UTY: variants seen among roughly 807,000 people sequenced by gnomAD.
UTY encodes ubiquitously transcribed tetratricopeptide repeat containing, Y-linked.
In UTY, 12 loss-of-function variants were observed where a neutral mutation model predicts 32.5. The ratio of observed to expected loss-of-function variants is 0.37; its 90% CI spans 0.24 to 0.60. The LOEUF (loss-of-function observed/expected upper bound fraction) is 0.60. Ranked by LOEUF, UTY falls within the 20% of genes least tolerant of loss-of-function variation. The pLI is 0.69. For synonymous variants in UTY, 131 were observed against 103.4 expected, an observed-to-expected ratio of 1.27 and a Z score of -1.62; for missense variants, 303 against 299.2, an observed-to-expected ratio of 1.01 and a Z score of -0.09.
intron 4 of UTY, among the ~76,000 whole-genome samples, chrY:13,422,653 C>T (rs2072732838): frequency 3.0e-5 from 1 of 33,470 alleles, no homozygotes; most frequent in South Asian, 6.5e-4. Context: ...CTGATATAAA[C>T]TCCGTAATGG....
At chrY:13,420,816 C>T in intron 4 of UTY, among the ~76,000 whole-genome samples, 5 of 33,095 alleles carry the variant, frequency 1.5e-4, no homozygotes, top group Admixed American at 1.4e-3. Flanking sequence ...CCATCCCGGA[C>T]ATAGGAATGG....
At position 13,323,886 on chromosome Y, in the gene UTY, A is replaced by G; in HGVS notation, c.3071-126T>C. 3.1e-5 allele frequency: 5 copies of G among 162,160 alleles called. No homozygotes were observed. In the Admixed American group the frequency reaches 4.7e-4, roughly 15 times the overall value. 40.4% of individuals were successfully genotyped at this position (162,160 alleles called of 400,897 possible). On this transcript the variant is annotated intron_variant, in intron 20 of 29. Coordinates refer to ENST00000545955, the MANE Select transcript of UTY (RefSeq NM_001258249.2). ...TCCAACCATTTGGTATCAGAGTTAC[A>G]CAGCAGGTCCTTGAAGCTCTGGCTA...
chrY:13,441,223 A>G (rs2075146860), intron 4 of UTY, among the ~76,000 whole-genome samples: 1 of 32,791 alleles, frequency 3.0e-5, no homozygotes, highest in South Asian at 6.7e-4. Flanking sequence ...AAAAAGACTC[A>G]AGCTCACAAA....
At chrY:13,376,755 C>CT (rs2065433590) in intron 8 of UTY, among the ~76,000 whole-genome samples, 1 of 33,153 alleles carries the variant, frequency 3.0e-5, no homozygotes, top group Admixed American at 2.7e-4. Flanking sequence ...TAGTGGATCC[C>CT]TTTTAATAAA....
intron 27 of UTY, among the ~76,000 whole-genome samples, chrY:13,279,267 G>C: frequency 6.0e-5 from 2 of 33,305 alleles, no homozygotes; most frequent in African/African-American, 2.4e-4. Context: ...TTTTTCTTTA[G>C]AGATGGAGTT....
At chrY:13,269,552 A>AAAAACAAAACAAAAC (rs768833349) in intron 27 of UTY, among the ~76,000 whole-genome samples, 6 of 24,395 alleles carry the variant, frequency 2.5e-4, no homozygotes, top group African/African-American at 7.8e-4. Flanking sequence ...TGTGGGCATG[A>AAAAACAAAACAAAAC]AAAACAAAAC....
intron 2 of UTY, among the ~76,000 whole-genome samples, chrY:13,477,580 T>C (rs2079184425): frequency 3.0e-5 from 1 of 33,321 alleles, no homozygotes; most frequent in African/African-American, 1.2e-4. Flanking sequence ...ATATTTAAAA[T>C]GTTACTGTAA....
intron 21 of UTY, among the ~76,000 whole-genome samples, chrY:13,309,130 C>T (rs968236784): frequency 6.0e-5 from 2 of 33,145 alleles, no homozygotes; most frequent in East Asian, 1.6e-3. Context: ...CTATGAGGTA[C>T]GCTAAAAACC....
chrY:13,356,317 G>A (rs2062912026), intron 15 of UTY, among the ~76,000 whole-genome samples: 2 of 31,418 alleles, frequency 6.4e-5, no homozygotes, highest in Admixed American at 5.6e-4. Context: ...CACCATGCCC[G>A]GCTAATTTTT....
chrY:13,310,702 T>A (rs944729520), intron 21 of UTY, among the ~76,000 whole-genome samples: 5 of 33,687 alleles, frequency 1.5e-4, no homozygotes, highest in African/African-American at 2.3e-4. Flanking sequence ...TTTGGAAAAC[T>A]AAATACTGTT....
chrY:13,341,386 G>C (rs777562726), intron 17 of UTY, among the ~76,000 whole-genome samples: 11 of 32,467 alleles, frequency 3.4e-4, no homozygotes, highest in African/African-American at 1.3e-3. Context: ...GGACATGGCT[G>C]TGGTGGAGGA....
At position 13,323,621 on chromosome Y, in the gene UTY, A is replaced by G. The variant is rs1488385173; in HGVS notation, c.3210T>C (p.Asn1070=). 2.5e-6 allele frequency: 1 copy of G among 398,097 alleles called. No homozygotes were observed. Among genetic ancestry groups the G allele is most frequent in the Admixed American group, 7.4e-5 (1 of 13,467 alleles). ...ATTTGGCAATTGTAGTATGAGATCT[A>G]TTGCTTTCACAACGCCAGATTTTCT... ...GTKKIWRCES[N]RSHTTIAKYA... Residue 1070 remains asparagine (N), a synonymous_variant, in exon 21 of 30, where the codon AAT becomes AAC. Coordinates refer to ENST00000545955, the MANE Select transcript of UTY (RefSeq NM_001258249.2).
chrY:13,357,637 T>C (rs2063083089), intron 15 of UTY, among the ~76,000 whole-genome samples: 1 of 33,097 alleles, frequency 3.0e-5, no homozygotes, highest in Non-Finnish European at 7.4e-5. Flanking sequence ...TGCCTGTGCA[T>C]GAAAAACTAA....
chrY:13,290,885 A>AT (rs2057724883), intron 27 of UTY, among the ~76,000 whole-genome samples: 16 of 26,604 alleles, frequency 6.0e-4, no homozygotes, highest in African/African-American at 1.3e-3. Context: ...AACTTACATA[A>AT]TTTTTTTTTT....
At chrY:13,431,000 C>T in intron 4 of UTY, among the ~76,000 whole-genome samples, 1 of 30,470 alleles carries the variant, frequency 3.3e-5, no homozygotes, top group African/African-American at 1.3e-4. Context: ...ATGGTGTTGA[C>T]AAACCTTTAA....
chrY:13,273,892 TTATA>T (rs2056455040), intron 27 of UTY, among the ~76,000 whole-genome samples: 3 of 30,786 alleles, frequency 9.7e-5, no homozygotes, highest in African/African-American at 3.8e-4. Flanking sequence ...AAAAATATAT[TTATA>T]TATGACACAG....
chrY:13,304,580 T>C, intron 24 of UTY, among the ~76,000 whole-genome samples: 1 of 33,193 alleles, frequency 3.0e-5, no homozygotes, highest in African/African-American at 1.2e-4. Flanking sequence ...CAAGAAAATA[T>C]GCTCAAAGTT....
At chrY:13,458,748 T>G in intron 3 of UTY, among the ~76,000 whole-genome samples, 2 of 32,955 alleles carry the variant, frequency 6.1e-5, no homozygotes, top group African/African-American at 2.4e-4. Context: ...TCTTTTGCTG[T>G]GCAGAAGCTC....
At chrY:13,348,915 T>C in intron 17 of UTY, among the ~76,000 whole-genome samples, 1 of 33,302 alleles carries the variant, frequency 3.0e-5, no homozygotes, top group South Asian at 6.6e-4. Context: ...CTTACCATAG[T>C]ATCACAACTT....
Sources: gnomAD v4.1 joint callset for allele counts (sites outside exome capture counted in the v4.1 genomes callset) on GRCh38, gnomAD v4.1.1 for gene constraint, MANE v1.5 for transcripts, NCBI Gene and HGNC (gene_info 2026-07-23, HGNC 2026-07-21) for gene names.